SWT1: variants seen among roughly 807,000 people sequenced by gnomAD.
SWT1 encodes the protein transcriptional protein SWT1.
A neutral mutation model predicts 107.3 loss-of-function variants in SWT1; 33 were observed. The ratio of observed to expected loss-of-function variants is 0.31; its 90% CI spans 0.23 to 0.41. The LOEUF (loss-of-function observed/expected upper bound fraction) is 0.41. Ranked by LOEUF, SWT1 falls within the 10% of genes least tolerant of loss-of-function variation. The pLI is 1.00. For synonymous variants in SWT1, 345 were observed against 348.3 expected, an observed-to-expected ratio of 0.99 and a Z score of 0.11; for missense variants, 898 against 1,028.9, an observed-to-expected ratio of 0.87 and a Z score of 1.74.
At chr1:185,226,078 T>C (rs1197440272) in intron 15 of SWT1, among the ~76,000 whole-genome samples, 1 of 152,158 alleles carries the variant, frequency 6.6e-6, no homozygotes, top group Non-Finnish European at 1.5e-5. Flanking sequence ...AGCAGAAAGT[T>C]ACCATATATC....
chr1:185,267,085 G>T (rs781299921), intron 16 of SWT1, among the ~76,000 whole-genome samples: 11 of 152,168 alleles, frequency 7.2e-5, no homozygotes, highest in Non-Finnish European at 1.5e-4. Context: ...AACCCAAAGA[G>T]ATTTGGATAC....
intron 13 of SWT1, among the ~76,000 whole-genome samples, chr1:185,207,587 T>C (rs1012597740): frequency 6.6e-6 from 1 of 152,248 alleles, no homozygotes; most frequent in South Asian, 2.1e-4. Context: ...TTCAAATAAC[T>C]AGATTTGTCT....
chr1:185,212,062 G>T (rs562657516), intron 13 of SWT1, among the ~76,000 whole-genome samples: 2 of 152,020 alleles, frequency 1.3e-5, no homozygotes, highest in Non-Finnish European at 2.9e-5. Flanking sequence ...GTTGTGGGGT[G>T]GGGGGAGTGG....
intron 14 of SWT1, among the ~76,000 whole-genome samples, chr1:185,215,406 A>G (rs1044694182): frequency 3.3e-5 from 5 of 152,202 alleles, no homozygotes; most frequent in Admixed American, 1.3e-4. Flanking sequence ...TGAAATTAAC[A>G]TTGATACAAT....
intron 3 of SWT1, among the ~76,000 whole-genome samples, chr1:185,167,430 G>C (rs997503671): frequency 1.3e-5 from 2 of 152,214 alleles, no homozygotes; most frequent in African/African-American, 2.4e-5. Flanking sequence ...ACATATCCAG[G>C]ATAGCTACAT....
At chr1:185,166,540 T>G in intron 2 of SWT1, 32 bp from the exon 3 acceptor site, 1 of 1,450,624 alleles carries the variant, frequency 6.9e-7, no homozygotes, top group African/African-American at 1.4e-5. Flanking sequence ...TTTTGTGCTT[T>G]TTAAAATTCA....
intron 17 of SWT1, among the ~76,000 whole-genome samples, chr1:185,273,937 C>G (rs1454848112): frequency 6.6e-6 from 1 of 151,514 alleles, no homozygotes; most frequent in Non-Finnish European, 1.5e-5. Context: ...GCCAGGTGTT[C>G]AAGGCTGCAG....
intron 15 of SWT1, chr1:185,226,907 C>T: frequency 7.7e-7 from 1 of 1,293,880 alleles, no homozygotes; most frequent in Admixed American, 2.1e-5. Flanking sequence ...AGTTCCACCT[C>T]TTCTTTTTAA....
At chr1:185,157,164 G>C (rs1185516656), upstream of SWT1, 1 of 165,140 alleles carries the variant, frequency 6.1e-6, no homozygotes, top group Non-Finnish European at 1.3e-5. Flanking sequence ...GCTGTGGGGC[G>C]GTGAGTAGGT....
chr1:185,258,783 G>C (rs1003071567), intron 16 of SWT1, among the ~76,000 whole-genome samples: 1 of 151,724 alleles, frequency 6.6e-6, no homozygotes, highest in Admixed American at 6.6e-5. Context: ...AATATATCTG[G>C]GTATGGATTT....
chr1:185,253,586 T>TC (rs1296706981), intron 16 of SWT1, among the ~76,000 whole-genome samples: 8 of 151,004 alleles, frequency 5.3e-5, no homozygotes, highest in African/African-American at 2.0e-4. Context: ...TCTCTGTTTG[T>TC]TGTTGGTGTA....
intron 10 of SWT1, among the ~76,000 whole-genome samples, chr1:185,195,389 A>C (rs1387425967): frequency 6.6e-6 from 1 of 152,162 alleles, no homozygotes; most frequent in African/African-American, 2.4e-5. Context: ...TTCTTAATCC[A>C]GTCTATCACT....
At chr1:185,247,849 T>G (rs1019723722) in intron 16 of SWT1, among the ~76,000 whole-genome samples, 9 of 152,224 alleles carry the variant, frequency 5.9e-5, no homozygotes, top group South Asian at 2.1e-4. Flanking sequence ...TTTTATGTAA[T>G]TTGCTTCTAG....
chr1:185,242,147 T>A (rs968698742), intron 16 of SWT1, among the ~76,000 whole-genome samples: 3 of 152,178 alleles, frequency 2.0e-5, no homozygotes, highest in Non-Finnish European at 4.4e-5. Flanking sequence ...ACATATAAGG[T>A]CATATGTGTA....
At chr1:185,203,414 TTC>T (rs1658045947) in intron 11 of SWT1, among the ~76,000 whole-genome samples, 1 of 151,794 alleles carries the variant, frequency 6.6e-6, no homozygotes. Flanking sequence ...ACCTGAGGAG[TTC>T]GAGACCAGCC....
At chr1:185,202,070 C>T (rs573155449) in intron 10 of SWT1, among the ~76,000 whole-genome samples, 10 of 152,140 alleles carry the variant, frequency 6.6e-5, no homozygotes, top group Admixed American at 2.0e-4. Context: ...AACACAGATA[C>T]GATCATGTCA....
chr1:185,175,714 T>C (rs944877580), intron 5 of SWT1, among the ~76,000 whole-genome samples: 2 of 152,220 alleles, frequency 1.3e-5, no homozygotes, highest in African/African-American at 4.8e-5. Flanking sequence ...CAGTTATAGA[T>C]AGTCCTTTGA....
rs548941234 is a variant in SWT1 at position 185,205,896 on chromosome 1, A to G, written c.1834-729A>G. On this transcript the variant is annotated intron_variant, in intron 12 of 18. Coordinates refer to ENST00000367500, the MANE Select transcript of SWT1 (RefSeq NM_017673.7). ...AGAAAAGGAAGTGCTGACATCTTAT[A>G]GAATTAAATGATCAATGTTTTTAAT... 2.6e-5 allele frequency among the ~76,000 whole-genome samples: 4 copies of G among 152,352 alleles called. No individual in the cohort carries two copies. The South Asian group carries it at 8.3e-4, about 32-fold the overall frequency.
intron 13 of SWT1, among the ~76,000 whole-genome samples, chr1:185,209,247 C>T (rs146399633): frequency 1.9e-3 from 290 of 152,016 alleles, no homozygotes; most frequent in African/African-American, 6.6e-3. Context: ...TATTATTATA[C>T]GTTAAGCTCT....
Sources: gnomAD v4.1 joint callset for allele counts (sites outside exome capture counted in the v4.1 genomes callset) on GRCh38, gnomAD v4.1.1 for gene constraint, MANE v1.5 for transcripts, NCBI Gene and HGNC (gene_info 2026-07-23, HGNC 2026-07-21) for gene names.